ADGRG6: variants seen among roughly 807,000 people sequenced by gnomAD.
The protein encoded by ADGRG6 is adhesion G protein-coupled receptor G6.
ADGRG6 carries 84 observed loss-of-function variants against 142.4 expected under a neutral mutation model. That is an observed-to-expected ratio of 0.59 (90% CI 0.49 to 0.71). The LOEUF (loss-of-function observed/expected upper bound fraction) is 0.71, where lower values mean the gene tolerates loss of function less well. Ranked by LOEUF, ADGRG6 falls within the 30% of genes least tolerant of loss-of-function variation. The probability of loss-of-function intolerance (pLI) is 0.00; values close to 1 mark genes in which losing one functional copy is unlikely to be tolerated. For synonymous variants in ADGRG6, 521 were observed against 520.5 expected (o/e 1.00, Z -0.01); for missense variants, 1,367 against 1,466.6 (o/e 0.93, Z 1.11).
At chr6:142,324,464 C>T (rs916338910) in intron 2 of ADGRG6, among the ~76,000 whole-genome samples, 2 of 152,098 alleles carry the variant, frequency 1.3e-5, no homozygotes, top group African/African-American at 2.4e-5. Context: ...ACTTCCCTAC[C>T]TCCACACCAT....
intron 22 of ADGRG6, among the ~76,000 whole-genome samples, chr6:142,426,029 T>C (rs1390235277): frequency 6.6e-6 from 1 of 152,232 alleles, no homozygotes; most frequent in East Asian, 1.9e-4. Context: ...GAGTTACAAT[T>C]CAAGATGAGA....
chr6:142,380,583 C>A (rs771618028), intron 4 of ADGRG6, among the ~76,000 whole-genome samples: 2 of 152,144 alleles, frequency 1.3e-5, no homozygotes, highest in African/African-American at 2.4e-5. Context: ...GTGCACAGAC[C>A]GTCTCAGTGC....
At chr6:142,407,233 GA>G (rs1238891986) in intron 15 of ADGRG6, among the ~76,000 whole-genome samples, 2 of 148,492 alleles carry the variant, frequency 1.3e-5, no homozygotes, top group African/African-American at 4.9e-5. Context: ...ACAGGAGAAT[GA>G]AAAAACTTTA....
intron 2 of ADGRG6, among the ~76,000 whole-genome samples, chr6:142,325,451 A>G (rs1778726940): frequency 6.6e-6 from 1 of 152,178 alleles, no homozygotes; most frequent in Non-Finnish European, 1.5e-5. Flanking sequence ...TAGCTATATT[A>G]TGAGTTGGCC....
At chr6:142,367,932 C>T (rs770283884) in intron 3 of ADGRG6, 22 bp downstream of exon 3, 2 of 1,358,406 alleles carry the variant, frequency 1.5e-6, no homozygotes, top group Admixed American at 3.6e-5. Flanking sequence ...AAAGGCAACG[C>T]CAACCTTCTG....
rs1386645637 is a variant in ADGRG6, at chr6:142,345,562, G to A, written c.104-22007G>A. On this transcript the variant is annotated intron_variant, in intron 2 of 24. Coordinates refer to ENST00000367609, the MANE Select transcript of ADGRG6 (RefSeq NM_198569.3). ...AATTTTTAGTGGGTGTTTCTGACAT[G>A]CAAAAGGGAAAGGAACAGAATATCA... 3.9e-5 allele frequency among the ~76,000 whole-genome samples: 6 copies of A among 152,180 alleles called. No individual in the cohort carries two copies. The East Asian group carries it at 9.6e-4, about 24-fold the overall frequency.
In ADGRG6 at chr6:142,445,278, T is replaced by C. The variant is rs1406096152; in HGVS notation, c.*1763T>C. 1 of 152,118 alleles carries C rather than the reference T, an allele frequency of 6.6e-6. No individual in the cohort carries two copies. Among genetic ancestry groups the C allele is most frequent in the Non-Finnish European group, 1.5e-5 (1 of 68,016 alleles). 9.4% of individuals were successfully genotyped at this position (152,118 alleles called of 1,614,324 possible). A position where few individuals can be genotyped will look rare whatever the true frequency, so the allele number is the denominator to read the frequency against. On this transcript the variant is annotated 3_prime_UTR_variant, in exon 25 of 25. Transcript: ENST00000367609. ...ATAGTAAATATAAGGTCACTGAGATTCTAAGTAAGATAGTAAATCTAAGGT... is the reference window on the plus strand; with the variant it reads ...ATAGTAAATATAAGGTCACTGAGATCCTAAGTAAGATAGTAAATCTAAGGT...
At chr6:142,305,677 T>C (rs1777461997) in intron 1 of ADGRG6, among the ~76,000 whole-genome samples, 1 of 152,196 alleles carries the variant, frequency 6.6e-6, no homozygotes, top group African/African-American at 2.4e-5. Flanking sequence ...CACAATTTAC[T>C]TCTCTTTTTC....
intron 10 of ADGRG6, among the ~76,000 whole-genome samples, chr6:142,399,105 G>A (rs2115005414): frequency 6.6e-6 from 1 of 152,222 alleles, no homozygotes; most frequent in South Asian, 2.1e-4. Context: ...CAATTATACT[G>A]TGATTAGGTA....
intron 17 of ADGRG6, among the ~76,000 whole-genome samples, chr6:142,410,849 A>T (rs370944394): frequency 7.9e-5 from 12 of 152,228 alleles, no homozygotes; most frequent in African/African-American, 2.9e-4. Flanking sequence ...AGCCATTTAC[A>T]ATCAGTTACT....
chr6:142,309,258 A>G (rs1777643554), intron 1 of ADGRG6, among the ~76,000 whole-genome samples: 1 of 151,710 alleles, frequency 6.6e-6, no homozygotes, highest in South Asian at 2.1e-4. Flanking sequence ...ATTTTTTTGA[A>G]TTGTCTGACT....
intron 2 of ADGRG6, among the ~76,000 whole-genome samples, chr6:142,341,990 G>C (rs531720833): frequency 1.3e-4 from 20 of 152,014 alleles, no homozygotes; most frequent in Admixed American, 1.1e-3. Context: ...TGCCTAGAAG[G>C]CTTGCCACTT....
At chr6:142,323,690 C>A (rs1198837794) in intron 2 of ADGRG6, among the ~76,000 whole-genome samples, 1 of 152,070 alleles carries the variant, frequency 6.6e-6, no homozygotes, top group African/African-American at 2.4e-5. Flanking sequence ...TAGCCTATTA[C>A]TTCTAGGCTA....
At chr6:142,340,836 G>C (rs1779587115) in intron 2 of ADGRG6, among the ~76,000 whole-genome samples, 1 of 152,042 alleles carries the variant, frequency 6.6e-6, no homozygotes, top group South Asian at 2.1e-4. Context: ...TGACGTTAAG[G>C]TGTTTGAGGA....
At position 142,402,801 on chromosome 6, in the gene ADGRG6, A is replaced by G. The variant is rs759611685; in HGVS notation, c.1926A>G (p.Ser642=). ...MNIFSNILSS[S]DSDLLESSSE... ...TATTTTCTAATATCTTAAGCAGTTC[A>G]GACAGTGACTTGCTTGAGTCATCTT... Residue 642 remains serine (S), a synonymous_variant, in exon 13 of 25, where the codon TCA becomes TCG. Coordinates refer to ENST00000367609, the MANE Select transcript of ADGRG6 (RefSeq NM_198569.3). 1 of 1,593,132 alleles carries G rather than the reference A, an allele frequency of 6.3e-7. No homozygotes were observed. Among genetic ancestry groups the G allele is most frequent in the East Asian group, 2.2e-5 (1 of 44,596 alleles).
rs77104837 is a variant in ADGRG6, at chr6:142,393,985, T to C, written c.1424+27T>C. The C allele has an allele frequency of 8.8e-4, 1,220 of 1,379,444 alleles. 7 individuals are homozygous for C. The African/African-American group carries it at 0.015, about 16-fold the overall frequency. 85.5% of individuals were successfully genotyped at this position (1,379,444 alleles called of 1,614,324 possible). ...TAACAGGACAAAGTATTGTAAAGAG[T>C]ATAACATTCTTTCTCTTGCTCACTA... On this transcript the variant is annotated intron_variant, in intron 9 of 24. Transcript: ENST00000367609.
intron 21 of ADGRG6, among the ~76,000 whole-genome samples, chr6:142,417,646 T>C (rs1776434911): frequency 6.6e-6 from 1 of 152,180 alleles, no homozygotes; most frequent in South Asian, 2.1e-4. Context: ...TTTCAGAAGA[T>C]TTCATAACAC....
At chr6:142,375,773 A>G (rs1781469516) in intron 4 of ADGRG6, among the ~76,000 whole-genome samples, 1 of 152,192 alleles carries the variant, frequency 6.6e-6, no homozygotes, top group Non-Finnish European at 1.5e-5. Flanking sequence ...TAGATTTTGC[A>G]AAGGTATATT....
intron 18 of ADGRG6, among the ~76,000 whole-genome samples, 156 bp downstream of exon 18, chr6:142,411,567 A>C (rs1169938044): frequency 6.6e-6 from 1 of 152,226 alleles, no homozygotes; most frequent in Non-Finnish European, 1.5e-5. Context: ...GAATCTAATT[A>C]GCAAAGATCA....
Sources: allele counts gnomAD v4.1 joint callset (sites outside exome capture counted in the v4.1 genomes callset), GRCh38; gene constraint gnomAD v4.1.1; transcripts MANE v1.5; gene names NCBI Gene and HGNC (gene_info 2026-07-23, HGNC 2026-07-21).